Variants in PDCD6IP observed in about 807,000 individuals in gnomAD.
The protein encoded by PDCD6IP is programmed cell death 6-interacting protein.
Under a neutral mutation model 103.7 loss-of-function variants are expected in PDCD6IP, and 43 were observed. The ratio of observed to expected loss-of-function variants is 0.41; its 90% CI spans 0.32 to 0.53. The LOEUF is 0.53. Ranked by LOEUF, PDCD6IP falls within the 20% of genes least tolerant of loss-of-function variation. The probability of loss-of-function intolerance (pLI) is 0.16; values close to 1 mark genes in which losing one functional copy is unlikely to be tolerated. For synonymous variants in PDCD6IP, 354 were observed against 378.7 expected (o/e 0.93, Z 0.76); for missense variants, 871 against 1,036.7 (o/e 0.84, Z 2.20).
At chr3:33,845,997 A>G (rs1256213242) in intron 12 of PDCD6IP, among the ~76,000 whole-genome samples, 2 of 152,232 alleles carry the variant, frequency 1.3e-5, no homozygotes, top group Admixed American at 1.3e-4. Context: ...CTTTGAAAGG[A>G]AGATTGACAA....
Position 33,812,101 on chromosome 3 carries a change from C to T in PDCD6IP, c.239C>T (p.Pro80Leu). The T allele has an allele frequency of 6.3e-7, 1 of 1,596,182 alleles. No homozygotes were observed. Among genetic ancestry groups the T allele is most frequent in the Non-Finnish European group, 8.5e-7 (1 of 1,171,590 alleles). ...RYYDQICSIE[P>L]KFPFSENQIC... Reference sequence around the variant, plus strand: ...TATGATCAGATTTGTTCTATTGAACCCAAATTCCCATTTTCTGAAAATCAG... The same window carrying T: ...TATGATCAGATTTGTTCTATTGAACTCAAATTCCCATTTTCTGAAAATCAG... Residue 80 changes from proline (P) to leucine (L), a missense_variant, in exon 2 of 18, where the codon CCC becomes CTC. By Grantham distance (98) the Pro-to-Leu change is moderately conservative. Transcript: ENST00000307296.
Position 33,852,922 on chromosome 3 carries a change from C to CTTTT in PDCD6IP, c.1890+188_1890+189insTTTT, listed in dbSNP as rs1349679229. Among the ~76,000 whole-genome samples, 3 of 134,638 alleles carry CTTTT rather than the reference C, an allele frequency of 2.2e-5. 1 individual carries two copies. The highest frequency in any genetic ancestry group is 2.7e-5 in the African/African-American group (1 of 36,490). The allele number at this position is 134,638 out of a possible 152,430, so 88.3% of individuals were successfully genotyped here. The stretch of plus-strand genomic sequence containing the variant: ...CAGTTTTATCTATGAAACAAAGTCA[C>CTTTT]TTCTTTTTTTTTTTTTTTTGAGATG... On this transcript the variant is annotated intron_variant, in intron 13 of 17. Coordinates refer to ENST00000307296, the MANE Select transcript of PDCD6IP (RefSeq NM_013374.6).
intron 15 of PDCD6IP, among the ~76,000 whole-genome samples, chr3:33,856,367 C>T (rs1180572330): frequency 2.0e-5 from 3 of 152,058 alleles, no homozygotes; most frequent in Non-Finnish European, 4.4e-5. Flanking sequence ...AAGAATAAAA[C>T]CGTGACATGG....
Position 33,820,370 on chromosome 3 carries a change from G to A in PDCD6IP, c.335-1585G>A, listed in dbSNP as rs556337534. On this transcript the variant is annotated intron_variant, in intron 3 of 17. Transcript: ENST00000307296. ...ATTCTTTCAGTCTCTGAATTAAACT[G>A]TAGGTACCTCATACAAGTAGAGTCG... 3.3e-5 allele frequency among the ~76,000 whole-genome samples: 5 copies of A among 152,130 alleles called. No individual in the cohort carries two copies. In the South Asian group the frequency reaches 1.0e-3, roughly 32 times the overall value.
chr3:33,861,583 A>C (rs1056162622), intron 15 of PDCD6IP, among the ~76,000 whole-genome samples: 4 of 152,220 alleles, frequency 2.6e-5, no homozygotes, highest in African/African-American at 9.6e-5. Context: ...TGTTGGGTAT[A>C]TATCGAGGTC....
At position 33,822,098 on chromosome 3, in the gene PDCD6IP, G is replaced by C; in HGVS notation, c.462+16G>C. On this transcript the variant is annotated intron_variant, in intron 4 of 17. Transcript: ENST00000307296. ...ACATTACCAGGTATGCTGAAAAGTAGTTACTACAATAATGGTCAACACTAA... is the reference window on the plus strand; with the variant it reads ...ACATTACCAGGTATGCTGAAAAGTACTTACTACAATAATGGTCAACACTAA... 1.2e-6 allele frequency: 2 copies of C among 1,612,524 alleles called. No individual in the cohort carries two copies. Among genetic ancestry groups the C allele is most frequent in the South Asian group, 2.2e-5 (2 of 90,834 alleles).
chr3:33,826,602 C>T, intron 6 of PDCD6IP, 22 bp downstream of exon 6: 1 of 1,609,546 alleles, frequency 6.2e-7, no homozygotes, highest in Non-Finnish European at 8.5e-7. Context: ...TTTTTATAAA[C>T]ACTTGCTTAC....
Position 33,813,950 on chromosome 3 carries a change from C to T in PDCD6IP, c.334+322C>T, listed in dbSNP as rs566933586. Among the ~76,000 whole-genome samples the T allele has an allele frequency of 3.3e-5, 5 of 152,174 alleles. No homozygotes were observed. The South Asian group carries it at 1.0e-3, about 32-fold the overall frequency. On this transcript the variant is annotated intron_variant, in intron 3 of 17. Transcript: ENST00000307296. ...TATATGAGGAAGAAAGTAATTCTAC[C>T]TTTTGAAAGCAGACAATGTTTGAGT...
chr3:33,803,550 T>C (rs990948826), intron 1 of PDCD6IP, among the ~76,000 whole-genome samples: 21 of 152,222 alleles, frequency 1.4e-4, no homozygotes, highest in Non-Finnish European at 3.1e-4. Context: ...TTAGGTATGT[T>C]GCAAAAATCT....
intron 1 of PDCD6IP, among the ~76,000 whole-genome samples, chr3:33,810,897 T>C (rs79667418): frequency 1.5e-4 from 11 of 73,000 alleles, no homozygotes; most frequent in African/African-American, 6.1e-4. Context: ...TGTTTGTGGA[T>C]TTTTTTTTTT....
intron 4 of PDCD6IP, among the ~76,000 whole-genome samples, chr3:33,822,757 G>A (rs925535255): frequency 1.7e-4 from 26 of 152,252 alleles, no homozygotes; most frequent in African/African-American, 5.3e-4. Flanking sequence ...CTGGGTTCAC[G>A]CCATTCTCCT....
chr3:33,845,264 A>G (rs1300543272), intron 11 of PDCD6IP, among the ~76,000 whole-genome samples, 155 bp from the exon 12 acceptor site: 1 of 152,202 alleles, frequency 6.6e-6, no homozygotes, highest in African/African-American at 2.4e-5. Context: ...CGAGAACGCA[A>G]AGACTGTCAG....
At chr3:33,818,045 C>T (rs2125550933) in intron 3 of PDCD6IP, among the ~76,000 whole-genome samples, 1 of 148,594 alleles carries the variant, frequency 6.7e-6, no homozygotes, top group South Asian at 2.1e-4. Context: ...GATATGTATC[C>T]AATATATAAA....
intron 7 of PDCD6IP, 96 bp from the exon 8 acceptor site, chr3:33,835,948 T>C: frequency 1.4e-6 from 1 of 719,524 alleles, no homozygotes; most frequent in South Asian, 1.9e-5. Context: ...ATTAAAGATT[T>C]TTTTTTTGAA....
At chr3:33,865,651 T>C (rs1327136614) in intron 17 of PDCD6IP, among the ~76,000 whole-genome samples, 1 of 152,234 alleles carries the variant, frequency 6.6e-6, no homozygotes, top group Non-Finnish European at 1.5e-5. Context: ...ATTTTACATA[T>C]TGGGTTTATA....
intron 15 of PDCD6IP, among the ~76,000 whole-genome samples, chr3:33,862,202 A>G (rs888835218): frequency 4.9e-4 from 73 of 149,440 alleles, no homozygotes; most frequent in African/African-American, 1.7e-3. Flanking sequence ...TTAAAAACTT[A>G]TTTATTTTAT....
At chr3:33,820,711 C>T (rs1327420972) in intron 3 of PDCD6IP, among the ~76,000 whole-genome samples, 1 of 152,182 alleles carries the variant, frequency 6.6e-6, no homozygotes, top group Non-Finnish European at 1.5e-5. Context: ...CAAGATTCAT[C>T]CGTGTTATAG....
Sources: allele counts gnomAD v4.1 joint callset (sites outside exome capture counted in the v4.1 genomes callset), GRCh38; gene constraint gnomAD v4.1.1; transcripts MANE v1.5; gene names NCBI Gene and HGNC (gene_info 2026-07-23, HGNC 2026-07-21).